Variants in LTN1 observed in about 807,000 individuals in gnomAD.
The protein encoded by LTN1 is E3 ubiquitin-protein ligase listerin.
A neutral mutation model predicts 201.2 loss-of-function variants in LTN1; 88 were observed. The ratio of observed to expected loss-of-function variants is 0.44; its 90% confidence interval spans 0.37 to 0.52. The LOEUF is 0.52. Ranked by LOEUF, LTN1 falls within the 20% of genes least tolerant of loss-of-function variation. LTN1 has a pLI of 0.00. For missense variants in LTN1, 1,752 were observed against 2,038.7 expected (o/e 0.86, Z 2.71); for synonymous variants, 645 against 713.5 (o/e 0.90, Z 1.53).
In LTN1 at chr21:28,966,404, A is replaced by G. The variant is rs770424631; in HGVS notation, c.2087T>C (p.Met696Thr). ...YSALRCCDND[M>T]ERKKVLDDLT... ...ATCATCCAAGACTTTTTTTCTTTCCATATCATTGTCACAGCACCGGAGAGC... is the reference window on the plus strand; with the variant it reads ...ATCATCCAAGACTTTTTTTCTTTCCGTATCATTGTCACAGCACCGGAGAGC... Residue 696 changes from methionine (M) to threonine (T), a missense_variant, in exon 10 of 30, where the codon ATG becomes ACG. Transcript: ENST00000361371. 65 of 1,608,420 alleles carry G rather than the reference A, an allele frequency of 4.0e-5. No individual in the cohort carries two copies. Among genetic ancestry groups the G allele is most frequent in the Non-Finnish European group, 5.2e-5 (61 of 1,178,662 alleles).
At position 28,966,992 on chromosome 21, in the gene LTN1, G is replaced by C; in HGVS notation, c.1499C>G (p.Ala500Gly). The stretch of plus-strand genomic sequence containing the variant: ...ATCAGCTTCTGGCTCACTGATTTTC[G>C]CAACACAGATCTCTGACAGTCTTTC... ...FWERLSEICVAKISEPEADVE... is the reference protein window; with the variant it reads ...FWERLSEICVGKISEPEADVE... The change falls in exon 10 of 30, where the codon GCG (alanine) becomes GGG (glycine). Residue 500 changes from alanine to glycine, a missense_variant. By Grantham distance (60) the Ala-to-Gly change is moderately conservative (BLOSUM62 0). Around this residue, in one of 3 missense-constraint regions of LTN1, gnomAD observed 1,211 missense variants for 1,312.8 expected, o/e 0.92. Transcript: ENST00000361371. The C allele has an allele frequency of 6.2e-7, 1 of 1,613,798 alleles. No homozygotes were observed. The highest frequency in any genetic ancestry group is 1.3e-5 in the African/African-American group (1 of 74,920).
In LTN1 at chr21:28,960,630, T is replaced by G; in HGVS notation, c.2240A>C (p.Asn747Thr). The G allele has an allele frequency of 6.2e-7, 1 of 1,614,074 alleles. No individual in the cohort carries two copies. Among genetic ancestry groups the G allele is most frequent in the African/African-American group, 1.3e-5 (1 of 75,048 alleles). Residue 747 changes from asparagine to threonine, a missense_variant, in exon 12 of 30, where the codon AAC becomes ACC. Physicochemically the swap from Asn to Thr is moderately conservative, Grantham distance 65. Coordinates refer to ENST00000361371, the MANE Select transcript of LTN1 (RefSeq NM_015565.3). ...CTCATTACAAAGACAATCTGCCAAGTTGACCAATTTCTCACCAAGGATATC... is the reference window on the plus strand; with the variant it reads ...CTCATTACAAAGACAATCTGCCAAGGTGACCAATTTCTCACCAAGGATATC... Reference protein sequence around the residue: ...KGDILGEKLVNLADCLCNEDL... With the variant: ...KGDILGEKLVTLADCLCNEDL...
At chr21:28,984,606 A>T (rs1001182418) in intron 4 of LTN1, 86 bp downstream of exon 4, 1 of 933,240 alleles carries the variant, frequency 1.1e-6, no homozygotes, top group Non-Finnish European at 1.6e-6. Flanking sequence ...TTCCCCTACA[A>T]TCCCAAGTAA....
At chr21:28,964,563 G>A in intron 11 of LTN1, 1 of 1,506,016 alleles carries the variant, frequency 6.6e-7, no homozygotes, top group Non-Finnish European at 8.9e-7. Flanking sequence ...GCTGTGGTGT[G>A]GAACTGAACT....
chr21:28,941,741 G>A (rs944563333), intron 24 of LTN1, among the ~76,000 whole-genome samples: 2 of 151,992 alleles, frequency 1.3e-5, no homozygotes, highest in Non-Finnish European at 2.9e-5. Context: ...AATCCTACCC[G>A]GCCTTTTATC....
At chr21:28,956,626 G>A (rs1164565823) in intron 16 of LTN1, 136 bp downstream of exon 16, 1 of 512,912 alleles carries the variant, frequency 1.9e-6, no homozygotes, top group East Asian at 3.3e-5. Context: ...TAACTTCAAG[G>A]TTCTCATCAT....
At chr21:28,981,517 C>T (rs952070279) in intron 5 of LTN1, among the ~76,000 whole-genome samples, 1 of 152,040 alleles carries the variant, frequency 6.6e-6, no homozygotes, top group African/African-American at 2.4e-5. Flanking sequence ...AGACGAAAAG[C>T]CAAGGCTTGC....
Position 28,986,853 on chromosome 21 carries a change from G to T in LTN1, c.124C>A (p.Gln42Lys). The T allele has an allele frequency of 6.2e-7, 1 of 1,613,984 alleles. No individual in the cohort carries two copies. The highest frequency in any genetic ancestry group is 8.5e-7 in the Non-Finnish European group (1 of 1,179,884). ...VPGFIGFGTS[Q>K]SDLGYVPAIQ... is the part of the protein sequence containing the mutation. ...GCAGGAACATAGCCTAGGTCACTCTGAGATGTTCCAAAACCAATAAATCCA... is the reference window on the plus strand; with the variant it reads ...GCAGGAACATAGCCTAGGTCACTCTTAGATGTTCCAAAACCAATAAATCCA... Residue 42 changes from glutamine (Q) to lysine (K), a missense_variant, in exon 2 of 30, where the codon CAG becomes AAG. By Grantham distance (53) the Gln-to-Lys change is moderately conservative. Coordinates refer to ENST00000361371, the MANE Select transcript of LTN1 (RefSeq NM_015565.3). The surrounding 1 kb of genome is among the most constrained non-coding windows in gnomAD (Gnocchi z 4.1).
At chr21:28,969,222 C>CA (rs35733846) in intron 9 of LTN1, among the ~76,000 whole-genome samples, 27,579 of 145,208 alleles carry the variant, frequency 0.19, 3,159 homozygotes, top group South Asian at 0.28. Context: ...AACTTTGTCT[C>CA]AAAAAAAAAA....
intron 25 of LTN1, among the ~76,000 whole-genome samples, chr21:28,937,963 T>C (rs765624588): frequency 1.4e-4 from 22 of 152,130 alleles, no homozygotes; most frequent in African/African-American, 4.8e-4. Context: ...TGCTAAAAAT[T>C]AACCACAATC....
intron 28 of LTN1, among the ~76,000 whole-genome samples, 193 bp downstream of exon 28, chr21:28,932,277 T>C (rs958994538): frequency 6.6e-6 from 1 of 152,208 alleles, no homozygotes; most frequent in African/African-American, 2.4e-5. Context: ...CACCAGAAAA[T>C]AAATTACAGA....
In LTN1 at chr21:28,975,691, A is replaced by C. The variant is rs186322131; in HGVS notation, c.811-4247T>G. On this transcript the variant is annotated intron_variant, in intron 6 of 29. Coordinates refer to ENST00000361371, the MANE Select transcript of LTN1 (RefSeq NM_015565.3). Reference sequence around the variant, plus strand: ...TATTGCAATGCCTGATCTCATACCCAGGAGAATGACCTAAATTAAAACGGC... The same window carrying C: ...TATTGCAATGCCTGATCTCATACCCCGGAGAATGACCTAAATTAAAACGGC... 1.3e-3 allele frequency among the ~76,000 whole-genome samples: 198 copies of C among 152,360 alleles called. 1 individual carries two copies. The highest frequency in any genetic ancestry group is 4.5e-3 in the African/African-American group (189 of 41,590).
Position 28,986,285 on chromosome 21 carries a change from G to T in LTN1, c.247-48C>A, listed in dbSNP as rs1223775279. On this transcript the variant is annotated intron_variant, in intron 2 of 29. Coordinates refer to ENST00000361371, the MANE Select transcript of LTN1 (RefSeq NM_015565.3). This position sits in a 1 kb window ranked among gnomAD's most constrained non-coding sequence, Gnocchi z 4.1. Reference sequence around the variant, plus strand: ...ATTAGGATTAACAACCATAATAACTGGCTATAGATTATTCTGTTCTGGAAG... The same window carrying T: ...ATTAGGATTAACAACCATAATAACTTGCTATAGATTATTCTGTTCTGGAAG... 7.5e-6 allele frequency: 8 copies of T among 1,069,954 alleles called. No homozygotes were observed. In the Admixed American group the frequency reaches 1.5e-4, roughly 20 times the overall value. The allele number at this position is 1,069,954 out of a possible 1,614,324, so 66.3% of individuals were successfully genotyped here.
chr21:28,990,606 A>G (rs936944208), intron 1 of LTN1, among the ~76,000 whole-genome samples: 1 of 152,206 alleles, frequency 6.6e-6, no homozygotes, highest in Admixed American at 6.6e-5. Flanking sequence ...AATGAACAAC[A>G]CCTTAACCAA....
chr21:28,985,172 C>T (rs1017354932), intron 3 of LTN1, among the ~76,000 whole-genome samples: 2 of 152,066 alleles, frequency 1.3e-5, no homozygotes, highest in African/African-American at 4.8e-5. Flanking sequence ...CAAAGTTGGG[C>T]CTTGAGGCCG....
intron 21 of LTN1, 60 bp downstream of exon 21, chr21:28,945,747 T>G: frequency 6.8e-7 from 1 of 1,481,004 alleles, no homozygotes; most frequent in East Asian, 2.3e-5. Context: ...AGTAAATAGT[T>G]CTGATGCAAA....
chr21:28,969,678 C>A, intron 8 of LTN1, 77 bp from the exon 9 acceptor site: 1 of 1,078,222 alleles, frequency 9.3e-7, no homozygotes, highest in Non-Finnish European at 1.3e-6. Flanking sequence ...ATAAAGACCT[C>A]AAAAAGGCAT....
intron 27 of LTN1, among the ~76,000 whole-genome samples, chr21:28,933,119 T>C (rs2146253484): frequency 6.6e-6 from 1 of 152,298 alleles, no homozygotes; most frequent in Non-Finnish European, 1.5e-5. Context: ...CAAACCAACA[T>C]TGCAAACTCA....
At chr21:28,945,493 A>G (rs371347690) in intron 21 of LTN1, among the ~76,000 whole-genome samples, 91 of 152,338 alleles carry the variant, frequency 6.0e-4, no homozygotes, top group African/African-American at 2.0e-3. Context: ...ATTATAACCA[A>G]AAAAGACCAA....
Sources: allele counts gnomAD v4.1 joint callset (sites outside exome capture counted in the v4.1 genomes callset), GRCh38; gene constraint gnomAD v4.1.1; regional missense constraint gnomAD v4.1.1; non-coding constraint Gnocchi (gnomAD v3.1); transcripts MANE v1.5; gene names NCBI Gene and HGNC (gene_info 2026-07-23, HGNC 2026-07-21).